The following ZFHX4 variants were observed in gnomAD, a reference collection of about 807,000 sequenced individuals.
ZFHX4 encodes zinc finger homeobox protein 4.
In ZFHX4, 56 loss-of-function variants were observed where a neutral mutation model predicts 267.6. The observed-to-expected ratio is 0.21, with a 90% CI of 0.17 to 0.26. The LOEUF (loss-of-function observed/expected upper bound fraction) is 0.26. Ranked by LOEUF, ZFHX4 falls within the 10% of genes least tolerant of loss-of-function variation. The pLI, the probability that ZFHX4 is intolerant of heterozygous loss-of-function variation, is 1.00. For missense variants in ZFHX4, 4,332 were observed against 4,420.0 expected (o/e 0.98, Z 0.56); for synonymous variants, 1,778 against 1,665.6 (o/e 1.07, Z -1.64).
At chr8:76,739,093 TC>T (rs1166627268) in intron 3 of ZFHX4, among the ~76,000 whole-genome samples, 2 of 152,050 alleles carry the variant, frequency 1.3e-5, no homozygotes, top group African/African-American at 4.8e-5. Flanking sequence ...AAGCTTTTCC[TC>T]CCCTTTTTGA....
At chr8:76,791,617 G>A (rs1157518425) in intron 4 of ZFHX4, among the ~76,000 whole-genome samples, 1 of 152,062 alleles carries the variant, frequency 6.6e-6, no homozygotes, top group Non-Finnish European at 1.5e-5. Context: ...AGAAAAGGTG[G>A]CAGAGTAAGG....
Position 76,791,961 on chromosome 8 carries a change from T to TGTTGTG in ZFHX4, c.3325+13523_3325+13524insTTGTGG, listed in dbSNP as rs965839657. ...TGTGTACATCTTAACTATACAACCA[T>TGTTGTG]GAAACCTTTAAGTCCACAGATATAA... is the stretch of plus-strand genomic sequence containing the variant. On this transcript the variant is annotated intron_variant, in intron 4 of 10. Transcript: ENST00000651372. Among the ~76,000 whole-genome samples, 6 of 152,302 alleles carry TGTTGTG rather than the reference T, an allele frequency of 3.9e-5. No individual in the cohort carries two copies. In the East Asian group the frequency reaches 1.2e-3, roughly 29 times the overall value.
rs1812928708 is a variant in ZFHX4, at chr8:76,863,396, G to A, written c.9682G>A (p.Val3228Met). 6.2e-7 allele frequency: 1 copy of A among 1,614,002 alleles called. No individual in the cohort carries two copies. Among genetic ancestry groups the A allele is most frequent in the East Asian group, 2.2e-5 (1 of 44,880 alleles). The change falls in exon 11 of 11, where the codon GTG (valine) becomes ATG (methionine). Residue 3228 changes from valine (V) to methionine (M), a missense_variant. Physicochemically the swap from Val to Met is conservative, Grantham distance 21 (BLOSUM62 1). Transcript: ENST00000651372. ...GGAAAAAATCTCATCTGCTCTTTCA[G>A]TGTTGGGCAAAGTTGTAGGTGAAAC... is the stretch of plus-strand genomic sequence containing the variant. ...KEEKISSALS[V>M]LGKVVGETHV...
rs1811989960 is a variant in ZFHX4 at position 76,833,408 on chromosome 8, T to C, written c.3394+2T>C. The C allele has an allele frequency of 1.2e-6, 2 of 1,600,970 alleles. No individual in the cohort carries two copies. The highest frequency in any genetic ancestry group is 2.7e-5 in the African/African-American group (2 of 74,678). ...AGCAGCAGTTGAGATCGACCTCAGG[T>C]AATGGTTCCTACTCCTTCTCAAAAT... is the stretch of plus-strand genomic sequence containing the variant. On this transcript the variant is annotated splice_donor_variant, in intron 5 of 10. Transcript: ENST00000651372. LOFTEE classifies it high-confidence loss of function.
intron 5 of ZFHX4, chr8:76,834,241 G>T: frequency 2.9e-6 from 1 of 349,554 alleles, no homozygotes; most frequent in Non-Finnish European, 5.7e-6. Context: ...AACTCCCTTT[G>T]ATAAATGCCA....
intron 4 of ZFHX4, among the ~76,000 whole-genome samples, chr8:76,797,515 G>A (rs78827694): frequency 0.012 from 1,900 of 152,200 alleles, 30 homozygotes; most frequent in African/African-American, 0.038. Context: ...CATAATCTGT[G>A]TTTGTTATTG....
chr8:76,801,234 A>G (rs888376560), intron 4 of ZFHX4, among the ~76,000 whole-genome samples: 3 of 152,172 alleles, frequency 2.0e-5, no homozygotes, highest in Non-Finnish European at 2.9e-5. Context: ...GTGACTTTAA[A>G]TAATGCTTAT....
chr8:76,758,163 G>T (rs2131723263), intron 3 of ZFHX4, among the ~76,000 whole-genome samples: 1 of 152,162 alleles, frequency 6.6e-6, no homozygotes, highest in Non-Finnish European at 1.5e-5. Context: ...ACAAGTAAAT[G>T]ATGGCACAAT....
chr8:76,841,233 G>C (rs1393822495), intron 5 of ZFHX4, among the ~76,000 whole-genome samples: 2 of 152,158 alleles, frequency 1.3e-5, no homozygotes, highest in Admixed American at 6.6e-5. Context: ...ATTGAGCCCA[G>C]AACTGTCCCC....
chr8:76,826,187 G>A (rs1563543974), intron 4 of ZFHX4, among the ~76,000 whole-genome samples: 1 of 152,072 alleles, frequency 6.6e-6, no homozygotes, highest in African/African-American at 2.4e-5. Context: ...AGAGGGAAGG[G>A]GAAGGTCCCA....
intron 3 of ZFHX4, among the ~76,000 whole-genome samples, chr8:76,744,687 A>G (rs1032161041): frequency 2.0e-5 from 3 of 152,180 alleles, no homozygotes; most frequent in African/African-American, 7.2e-5. Context: ...AGGTGGGATT[A>G]CAGGGGTGAG....
chr8:76,783,614 C>T (rs1810611340), intron 4 of ZFHX4, among the ~76,000 whole-genome samples: 1 of 151,908 alleles, frequency 6.6e-6, no homozygotes. Flanking sequence ...ACCTCAAGAG[C>T]ATTATGGTGT....
chr8:76,711,749 G>A (rs548619784), intron 3 of ZFHX4, among the ~76,000 whole-genome samples: 22 of 152,222 alleles, frequency 1.4e-4, no homozygotes, highest in Non-Finnish European at 5.9e-5. Flanking sequence ...CTTCTAAAGA[G>A]TCTAGTAAAA....
intron 3 of ZFHX4, among the ~76,000 whole-genome samples, chr8:76,723,517 A>G (rs1382533628): frequency 6.6e-6 from 1 of 151,388 alleles, no homozygotes; most frequent in Non-Finnish European, 1.5e-5. Context: ...AGTAAAAATT[A>G]TGTAGGGAAA....
At chr8:76,799,498 A>T (rs1211550717) in intron 4 of ZFHX4, among the ~76,000 whole-genome samples, 1 of 152,176 alleles carries the variant, frequency 6.6e-6, no homozygotes, top group Non-Finnish European at 1.5e-5. Flanking sequence ...GGAGAATCAG[A>T]CCTATTGATG....
rs760243559 is a variant in ZFHX4 at position 76,853,497 on chromosome 8, A to G, written c.6576A>G (p.Pro2192=). Residue 2192 remains proline (P), a synonymous_variant, in exon 10 of 11, where the codon CCA becomes CCG. Coordinates refer to ENST00000651372, the MANE Select transcript of ZFHX4 (RefSeq NM_024721.5). ...FKERQRNKDS[P]YNFSNPPITV... ...AACGACAGAGAAATAAAGATTCACCATACAACTTCAGTAACCCTCCTATAA... is the reference window on the plus strand; with the variant it reads ...AACGACAGAGAAATAAAGATTCACCGTACAACTTCAGTAACCCTCCTATAA... 3 of 1,613,944 alleles carry G rather than the reference A, an allele frequency of 1.9e-6. No homozygotes were observed. The highest frequency in any genetic ancestry group is 1.7e-6 in the Non-Finnish European group (2 of 1,179,866).
Position 76,704,267 on chromosome 8 carries a change from C to G in ZFHX4, c.179C>G (p.Ala60Gly). Residue 60 changes from alanine (A) to glycine (G), a missense_variant, in exon 2 of 11, where the codon GCC becomes GGC. By Grantham distance (60) the Ala-to-Gly change is moderately conservative. This residue lies in a region of ZFHX4 where 1,195 missense variants were observed against 1,173.6 expected (regional missense o/e 1.02). Transcript: ENST00000651372. ...NLKTDERKSE[A>G]LLGFSVENAA... The stretch of plus-strand genomic sequence containing the variant: ...AAAACGGATGAGCGCAAAAGTGAAG[C>G]CTTGCTGGGTTTCAGCGTTGAGAAT... The G allele has an allele frequency of 6.2e-7, 1 of 1,613,988 alleles. No individual in the cohort carries two copies. Among genetic ancestry groups the G allele is most frequent in the South Asian group, 1.1e-5 (1 of 91,078 alleles).
chr8:76,790,488 A>G (rs953604580), intron 4 of ZFHX4, among the ~76,000 whole-genome samples: 1 of 152,144 alleles, frequency 6.6e-6, no homozygotes, highest in Admixed American at 6.6e-5. Flanking sequence ...GTACTCAAAT[A>G]TAAAAAGTAA....
In ZFHX4 at chr8:76,849,143, T is replaced by A. The variant is rs1563556497; in HGVS notation, c.3645+15T>A. 3 of 1,540,126 alleles carry A rather than the reference T, an allele frequency of 1.9e-6. No homozygotes were observed. The highest frequency in any genetic ancestry group is 2.5e-5 in the South Asian group (2 of 81,132). On this transcript the variant is annotated intron_variant, in intron 7 of 10. Transcript: ENST00000651372. ...GTCATGAACAGGTAAATACTTTTTT[T>A]CCCCTTTACTGTGTAAATCTTTATT...
Sources: gnomAD v4.1 joint callset for allele counts (sites outside exome capture counted in the v4.1 genomes callset) on GRCh38, gnomAD v4.1.1 for gene constraint, gnomAD v4.1.1 regional missense constraint, MANE v1.5 for transcripts, NCBI Gene and HGNC (gene_info 2026-07-23, HGNC 2026-07-21) for gene names.